The following CECR2 variants were observed in gnomAD, a reference collection of about 807,000 sequenced individuals.
CECR2 encodes CECR2 histone acetyl-lysine reader, also known as chromatin remodeling regulator CECR2.
A neutral mutation model predicts 154.5 loss-of-function variants in CECR2; 30 were observed. That is an observed-to-expected ratio of 0.19 (90% CI 0.15 to 0.26). The LOEUF is 0.26. CECR2 is among the 10% of genes least tolerant of loss of function. CECR2 has a pLI of 1.00. For synonymous variants in CECR2, 725 were observed against 683.7 expected, an observed-to-expected ratio of 1.06 and a Z score of -0.94; for missense variants, 1,743 against 1,829.3, an observed-to-expected ratio of 0.95 and a Z score of 0.86.
chr22:17,544,957 G>A (rs1311290628), intron 16 of CECR2, among the ~76,000 whole-genome samples: 1 of 151,940 alleles, frequency 6.6e-6, no homozygotes, highest in Non-Finnish European at 1.5e-5. Context: ...GGGCAACAGA[G>A]CAAAACCATG....
intron 1 of CECR2, chr22:17,419,569 A>G: frequency 4.2e-6 from 1 of 238,336 alleles, no homozygotes; most frequent in Non-Finnish European, 7.7e-6. Context: ...GAGGAGGAAG[A>G]AAAGAAGAAG....
At chr22:17,533,032 A>G (rs1158972055) in intron 9 of CECR2, among the ~76,000 whole-genome samples, 1 of 151,524 alleles carries the variant, frequency 6.6e-6, no homozygotes, top group African/African-American at 2.4e-5. Flanking sequence ...AGATAGCATG[A>G]CCCGGCCAGG....
chr22:17,412,395 C>G (rs2146570511), intron 1 of CECR2, among the ~76,000 whole-genome samples: 1 of 152,182 alleles, frequency 6.6e-6, no homozygotes, highest in Admixed American at 6.5e-5. Flanking sequence ...TTGTTCATTC[C>G]CCGCCCCACC....
rs1418283731 is a variant in CECR2 at position 17,369,603 on chromosome 22, C to T, written c.-181C>T. 1 of 146,890 alleles carries T rather than the reference C, an allele frequency of 6.8e-6. No individual in the cohort carries two copies. The highest frequency in any genetic ancestry group is 1.5e-5 in the Non-Finnish European group (1 of 65,880). 9.1% of individuals were successfully genotyped at this position (146,890 alleles called of 1,614,324 possible). On this transcript the variant is annotated 5_prime_UTR_variant, in exon 1 of 19. Coordinates refer to ENST00000262608, the MANE Select transcript of CECR2 (RefSeq NM_001290047.2). ...AGTAGTTCGGGCCCCCGCGCCGCCG[C>T]CCCCCGCCCGGCGCCCGCCCTCGGC...
At chr22:17,502,356 G>A (rs2055754390) in intron 5 of CECR2, among the ~76,000 whole-genome samples, 1 of 152,140 alleles carries the variant, frequency 6.6e-6, no homozygotes, top group African/African-American at 2.4e-5. Context: ...CCTGAATCAG[G>A]GAGGAGGACA....
chr22:17,381,530 C>T (rs568267591), intron 1 of CECR2, among the ~76,000 whole-genome samples: 5 of 152,244 alleles, frequency 3.3e-5, no homozygotes, highest in Admixed American at 6.5e-5. Flanking sequence ...ATTTCTGTAA[C>T]ATGCACATTT....
chr22:17,389,109 C>T (rs976043172), intron 1 of CECR2, among the ~76,000 whole-genome samples: 5 of 152,068 alleles, frequency 3.3e-5, no homozygotes, highest in Admixed American at 2.6e-4. Flanking sequence ...CCACTGCGCC[C>T]GGCCTTAAAA....
rs148352474 is a variant in CECR2 at position 17,490,461 on chromosome 22, G to A, written c.222-6942G>A. On this transcript the variant is annotated intron_variant, in intron 2 of 18. Transcript: ENST00000262608. ...TTATTTATTTATTTTTTGAGATGGC[G>A]TCTTGCTCTGTCACCCAGGCTGGAG... Among the ~76,000 whole-genome samples, 1,343 of 151,804 alleles carry A rather than the reference G, an allele frequency of 8.8e-3. 20 individuals are homozygous for A. The highest frequency in any genetic ancestry group is 0.045 in the South Asian group (218 of 4,792).
intron 1 of CECR2, among the ~76,000 whole-genome samples, chr22:17,449,639 G>A (rs566118439): frequency 3.4e-4 from 51 of 151,708 alleles, no homozygotes; most frequent in Admixed American, 4.6e-4. Flanking sequence ...ACAGGCGCCC[G>A]CCACCACGCC....
intron 16 of CECR2, among the ~76,000 whole-genome samples, chr22:17,543,428 C>A (rs2056562875): frequency 6.6e-6 from 1 of 152,070 alleles, no homozygotes; most frequent in African/African-American, 2.4e-5. Flanking sequence ...CGCGCCCGGC[C>A]TTCCCAGCTT....
At chr22:17,524,487 G>T (rs1256656102) in intron 9 of CECR2, among the ~76,000 whole-genome samples, 3 of 133,574 alleles carry the variant, frequency 2.2e-5, no homozygotes, top group Non-Finnish European at 4.8e-5. Context: ...TCACCTCCCG[G>T]GTTCATGCCA....
chr22:17,540,751 C>G lies in CECR2; in HGVS notation c.1835C>G (p.Pro612Arg). Residue 612 changes from proline to arginine, a missense_variant, in exon 14 of 19, where the codon CCC (proline) becomes CGC (arginine). Physicochemically the swap from Pro to Arg is moderately radical, Grantham distance 103. Transcript: ENST00000262608. ...TCCAATGGCCGAGGTTTTTCTCATC[C>G]CCTGCATTGTGGTGGGACACCCAGC... ...GTSNGRGFSH[P>R]LHCGGTPSQA... is the part of the protein sequence containing the mutation. 6.2e-7 allele frequency: 1 copy of G among 1,606,930 alleles called. No individual in the cohort carries two copies. The highest frequency in any genetic ancestry group is 8.5e-7 in the Non-Finnish European group (1 of 1,176,442).
intron 1 of CECR2, among the ~76,000 whole-genome samples, chr22:17,460,450 TC>T (rs2054920491): frequency 6.6e-6 from 1 of 152,220 alleles, no homozygotes; most frequent in African/African-American, 2.4e-5. Flanking sequence ...CCTCAGGTGA[TC>T]CGCCCGTCTC....
intron 17 of CECR2, among the ~76,000 whole-genome samples, chr22:17,551,050 A>G (rs1306283052): frequency 1.3e-5 from 2 of 152,112 alleles, no homozygotes; most frequent in East Asian, 3.9e-4. Flanking sequence ...GACCCTCTCT[A>G]CTATTTAACA....
At chr22:17,377,326 A>G (rs1401602531) in intron 1 of CECR2, among the ~76,000 whole-genome samples, 3 of 152,198 alleles carry the variant, frequency 2.0e-5, no homozygotes, top group Non-Finnish European at 4.4e-5. Context: ...GAAGATTGAC[A>G]TGTTCACTAT....
intron 10 of CECR2, among the ~76,000 whole-genome samples, chr22:17,537,750 TG>T (rs1265325583): frequency 6.6e-6 from 1 of 152,166 alleles, no homozygotes; most frequent in Non-Finnish European, 1.5e-5. Flanking sequence ...CCCAGCACTT[TG>T]GGAGGCTGAG....
intron 14 of CECR2, 23 bp from the exon 15 acceptor site, chr22:17,541,816 T>C (rs2268776): frequency 0.071 from 112,236 of 1,588,906 alleles, 4,886 homozygotes; most frequent in Admixed American, 0.18. Flanking sequence ...TTTCCTCTTC[T>C]TGCTTTGTTC....
At chr22:17,361,673 G>A (rs1047164823) in intron 1 of CECR2, among the ~76,000 whole-genome samples, 2 of 151,818 alleles carry the variant, frequency 1.3e-5, no homozygotes, top group African/African-American at 4.8e-5. Context: ...CGGGGGCTGG[G>A]GGGAGGTTGC....
At chr22:17,506,358 C>T (rs1177391649) in intron 7 of CECR2, among the ~76,000 whole-genome samples, 1 of 152,012 alleles carries the variant, frequency 6.6e-6, no homozygotes, top group Non-Finnish European at 1.5e-5. Context: ...AACTCCTGGG[C>T]TGAAGCACTC....
Sources: gnomAD v4.1 joint callset for allele counts (sites outside exome capture counted in the v4.1 genomes callset) on GRCh38, gnomAD v4.1.1 for gene constraint, MANE v1.5 for transcripts, NCBI Gene and HGNC (gene_info 2026-07-23, HGNC 2026-07-21) for gene names.